EPB41L4B: variants seen among roughly 807,000 people sequenced by gnomAD.
EPB41L4B encodes the protein erythrocyte membrane protein band 4.1 like 4B, also known as band 4.1-like protein 4B.
A neutral mutation model predicts 112.5 loss-of-function variants in EPB41L4B; 30 were observed. That is an observed-to-expected ratio of 0.27 (90% confidence interval 0.20 to 0.36). EPB41L4B has a LOEUF of 0.36. EPB41L4B is among the 10% of genes least tolerant of loss of function. The pLI is 1.00. For synonymous variants in EPB41L4B, 408 were observed against 439.7 expected (o/e 0.93, Z 0.90); for missense variants, 1,024 against 1,133.3 (o/e 0.90, Z 1.38).
intron 15 of EPB41L4B, among the ~76,000 whole-genome samples, chr9:109,242,439 A>C (rs1318764435): frequency 2.6e-5 from 4 of 152,258 alleles, no homozygotes; most frequent in Admixed American, 2.6e-4. Context: ...GGCAATGATA[A>C]GCACAAACTT....
intron 2 of EPB41L4B, among the ~76,000 whole-genome samples, chr9:109,276,114 CAT>C (rs1414391822): frequency 2.0e-5 from 3 of 147,308 alleles, no homozygotes; most frequent in Non-Finnish European, 4.5e-5. Flanking sequence ...TCTATATACA[CAT>C]ATATAGTGTA....
chr9:109,213,749 G>A lies in EPB41L4B; in HGVS notation c.1703C>T (p.Thr568Ile), dbSNP rs775185526. The A allele has an allele frequency of 1.2e-6, 2 of 1,614,200 alleles. No homozygotes were observed. Among genetic ancestry groups the A allele is most frequent in the Non-Finnish European group, 1.7e-6 (2 of 1,180,038 alleles). The change falls in exon 17 of 26, where the codon ACT becomes ATT. Residue 568 changes from threonine (T) to isoleucine (I), a missense_variant. Thr to Ile is a moderately conservative substitution (Grantham distance 89, BLOSUM62 -1). Transcript: ENST00000374566. ...AAHLKKLELE[T>I]VKAAGPWPPL... Reference sequence around the variant, plus strand: ...AGGCCAGGGTCCAGCAGCCTTCACAGTTTCCAGTTCCAGCTTCTTTAGATG... The same window carrying A: ...AGGCCAGGGTCCAGCAGCCTTCACAATTTCCAGTTCCAGCTTCTTTAGATG...
Position 109,255,511 on chromosome 9 carries a change from C to T in EPB41L4B, c.1169G>A (p.Ser390Asn). The T allele has an allele frequency of 6.2e-7, 1 of 1,613,942 alleles. No homozygotes were observed. The highest frequency in any genetic ancestry group is 8.5e-7 in the Non-Finnish European group (1 of 1,179,834). Residue 390 changes from serine to asparagine, a missense_variant and splice_region_variant, in exon 11 of 26, where the codon AGT (serine) becomes AAT (asparagine). Coordinates refer to ENST00000374566, the MANE Select transcript of EPB41L4B (RefSeq NM_019114.5). The part of the protein sequence containing the change: ...FIRLGSRFRF[S>N]GRTEYQATHG... ...CCGTGTTGCAGAAATGGCTCCCTAC[C>T]TGAATCTGAAGCGAGAGCCCAGCCT...
intron 2 of EPB41L4B, among the ~76,000 whole-genome samples, chr9:109,272,982 G>C (rs1835680875): frequency 6.6e-6 from 1 of 152,066 alleles, no homozygotes; most frequent in Non-Finnish European, 1.5e-5. Context: ...CAGTACTCTA[G>C]GTTTCCACAC....
chr9:109,218,123 A>AT (rs769374986), intron 15 of EPB41L4B, among the ~76,000 whole-genome samples: 1 of 79,684 alleles, frequency 1.3e-5, no homozygotes, highest in African/African-American at 6.3e-5. Context: ...AATACTAATA[A>AT]TTCTTTTTTT....
chr9:109,220,885 G>A (rs561642504), intron 15 of EPB41L4B, among the ~76,000 whole-genome samples: 3 of 152,276 alleles, frequency 2.0e-5, no homozygotes, highest in South Asian at 4.1e-4. Flanking sequence ...CATAACCAGA[G>A]TATCCACCCT....
intron 1 of EPB41L4B, among the ~76,000 whole-genome samples, chr9:109,291,526 C>T (rs1021878783): frequency 1.3e-5 from 2 of 152,146 alleles, no homozygotes; most frequent in African/African-American, 4.8e-5. Flanking sequence ...GAAGGGACGT[C>T]AACAGTCTAG....
chr9:109,217,253 C>A, intron 15 of EPB41L4B, 108 bp from the exon 16 acceptor site: 2 of 881,094 alleles, frequency 2.3e-6, no homozygotes, highest in Admixed American at 2.2e-5. Flanking sequence ...GAAATAAACT[C>A]AAAAACTAGA....
intron 2 of EPB41L4B, among the ~76,000 whole-genome samples, chr9:109,278,572 G>A (rs928724413): frequency 4.6e-5 from 7 of 152,126 alleles, no homozygotes; most frequent in African/African-American, 1.4e-4. Context: ...TCTTCCAGTA[G>A]ACAGCCTTAA....
At chr9:109,255,352 G>T (rs1225054588) in intron 11 of EPB41L4B, among the ~76,000 whole-genome samples, 159 bp downstream of exon 11, 1 of 152,208 alleles carries the variant, frequency 6.6e-6, no homozygotes, top group Non-Finnish European at 1.5e-5. Flanking sequence ...CCAGGTGGGG[G>T]TCAAAAGAGC....
intron 23 of EPB41L4B, 145 bp downstream of exon 23, chr9:109,185,344 A>C: frequency 1.5e-6 from 1 of 653,450 alleles, no homozygotes; most frequent in South Asian, 1.9e-5. Context: ...CAAATCCTCC[A>C]TCCATCTGGA....
intron 1 of EPB41L4B, among the ~76,000 whole-genome samples, chr9:109,305,948 A>T (rs991281933): frequency 4.6e-5 from 7 of 152,142 alleles, no homozygotes; most frequent in East Asian, 3.9e-4. Context: ...AAATTAAATT[A>T]AAAAAATAAG....
intron 15 of EPB41L4B, among the ~76,000 whole-genome samples, chr9:109,233,361 C>G (rs1437120163): frequency 6.6e-6 from 1 of 152,036 alleles, no homozygotes; most frequent in Non-Finnish European, 1.5e-5. Flanking sequence ...GGGTGGGTAT[C>G]TAAGAAGCCT....
intron 1 of EPB41L4B, among the ~76,000 whole-genome samples, chr9:109,283,529 G>A (rs1212481766): frequency 6.6e-6 from 1 of 152,038 alleles, no homozygotes; most frequent in Non-Finnish European, 1.5e-5. Context: ...GCAGAACCAC[G>A]ATACATCAAC....
intron 2 of EPB41L4B, among the ~76,000 whole-genome samples, chr9:109,276,603 G>A (rs1025256741): frequency 2.6e-5 from 4 of 152,214 alleles, no homozygotes; most frequent in Admixed American, 2.0e-4. Context: ...AGGCCTGAGA[G>A]CCTGAGCATC....
chr9:109,246,554 A>G (rs937623089), intron 14 of EPB41L4B, among the ~76,000 whole-genome samples: 4 of 152,238 alleles, frequency 2.6e-5, no homozygotes, highest in Non-Finnish European at 5.9e-5. Flanking sequence ...GGAAGAAATT[A>G]TGGGGCAACA....
chr9:109,209,564 C>A (rs1833089977), intron 17 of EPB41L4B, among the ~76,000 whole-genome samples: 1 of 151,434 alleles, frequency 6.6e-6, no homozygotes, highest in Non-Finnish European at 1.5e-5. Flanking sequence ...GGGAGAATCA[C>A]CTGAGCTCAG....
chr9:109,309,755 C>CAG (rs34950010), intron 1 of EPB41L4B, among the ~76,000 whole-genome samples: 6,682 of 142,156 alleles, frequency 0.047, 280 homozygotes, highest in African/African-American at 0.11. Context: ...AATACACACA[C>CAG]AGAGAGAGAG....
chr9:109,187,815 G>A (rs953311610), intron 22 of EPB41L4B, among the ~76,000 whole-genome samples: 1 of 152,200 alleles, frequency 6.6e-6, no homozygotes, highest in East Asian at 1.9e-4. Context: ...AGCGCCTTAA[G>A]GGATGGTCCA....
Sources: allele counts gnomAD v4.1 joint callset (sites outside exome capture counted in the v4.1 genomes callset), GRCh38; gene constraint gnomAD v4.1.1; transcripts MANE v1.5; gene names NCBI Gene and HGNC (gene_info 2026-07-23, HGNC 2026-07-21).